THSD7A: variants seen among roughly 807,000 people sequenced by gnomAD.
The protein encoded by THSD7A is thrombospondin type-1 domain-containing protein 7A.
In THSD7A, 96 loss-of-function variants were observed where a neutral mutation model predicts 231.3. That is an observed-to-expected ratio of 0.41 (90% confidence interval 0.35 to 0.49). The LOEUF (loss-of-function observed/expected upper bound fraction) is 0.49, where lower values mean the gene tolerates loss of function less well. THSD7A is among the 20% of genes least tolerant of loss of function. The pLI is 0.05. For missense variants in THSD7A, 2,290 were observed against 2,070.2 expected (o/e 1.11, Z -2.06); for synonymous variants, 940 against 743.3 (o/e 1.26, Z -4.30).
intron 1 of THSD7A, among the ~76,000 whole-genome samples, chr7:11,727,409 T>C (rs954427271): frequency 6.6e-6 from 1 of 151,986 alleles, no homozygotes; most frequent in African/African-American, 2.4e-5. Context: ...CACAAAATGA[T>C]AACACTCATA....
At chr7:11,650,200 A>G (rs1027785865) in intron 1 of THSD7A, among the ~76,000 whole-genome samples, 1 of 152,062 alleles carries the variant, frequency 6.6e-6, no homozygotes, top group African/African-American at 2.4e-5. Context: ...TAAGTTTATA[A>G]TAGCTTGCTG....
chr7:11,787,504 A>T (rs951842853), intron 1 of THSD7A, among the ~76,000 whole-genome samples: 2 of 152,128 alleles, frequency 1.3e-5, no homozygotes, highest in Non-Finnish European at 2.9e-5. Context: ...TTCAAAAGAT[A>T]CAACTGATAA....
intron 1 of THSD7A, among the ~76,000 whole-genome samples, chr7:11,728,731 AG>A (rs1170138883): frequency 6.6e-6 from 1 of 151,902 alleles, no homozygotes; most frequent in Non-Finnish European, 1.5e-5. Context: ...ATATATACCA[AG>A]TAGACTGAGA....
chr7:11,485,437 T>C lies in THSD7A; in HGVS notation c.1823-3455A>G, dbSNP rs778778594. On this transcript the variant is annotated intron_variant, in intron 6 of 27. Transcript: ENST00000423059. The stretch of plus-strand genomic sequence containing the variant: ...TGGCTGAAAACATTTATTCAATGAA[T>C]AGTTGCTGAATGCCCATCTTCTGTC... Among the ~76,000 whole-genome samples, 92 of 152,222 alleles carry C rather than the reference T, an allele frequency of 6.0e-4. 1 individual carries two copies. Among genetic ancestry groups the C allele is most frequent in the Non-Finnish European group, 1.9e-4 (13 of 68,044 alleles).
chr7:11,572,789 G>A (rs928106775), intron 4 of THSD7A, among the ~76,000 whole-genome samples: 5 of 151,872 alleles, frequency 3.3e-5, no homozygotes, highest in East Asian at 1.9e-4. Context: ...TAAAGTCCTC[G>A]TCTGCTGATT....
intron 1 of THSD7A, among the ~76,000 whole-genome samples, chr7:11,656,563 A>G (rs1404155068): frequency 6.6e-6 from 1 of 151,866 alleles, no homozygotes; most frequent in Non-Finnish European, 1.5e-5. Flanking sequence ...GACTCTAGGC[A>G]TTAGTTTAGA....
At chr7:11,778,551 G>A (rs1358659940) in intron 1 of THSD7A, among the ~76,000 whole-genome samples, 1 of 152,100 alleles carries the variant, frequency 6.6e-6, no homozygotes, top group Non-Finnish European at 1.5e-5. Flanking sequence ...CAGAGTCGAG[G>A]AAGAAGAGAA....
At chr7:11,735,675 G>C (rs1045462558) in intron 1 of THSD7A, among the ~76,000 whole-genome samples, 2 of 151,796 alleles carry the variant, frequency 1.3e-5, no homozygotes, top group African/African-American at 4.8e-5. Context: ...TTATGAACTA[G>C]AGCCTCAAAA....
chr7:11,459,732 G>C lies in THSD7A; in HGVS notation c.2605+930C>G, dbSNP rs1169095843. ...ACAGAAGCATTTTTTTCTTAAAAAG[G>C]CAGTTTTTTTTCACTGTACAGAAAA... On this transcript the variant is annotated intron_variant, in intron 11 of 27. Coordinates refer to ENST00000423059, the MANE Select transcript of THSD7A (RefSeq NM_015204.3). Among the ~76,000 whole-genome samples, 10 of 80,020 alleles carry C rather than the reference G, an allele frequency of 1.2e-4. No homozygotes were observed. In the Admixed American group the frequency reaches 1.3e-3, roughly 10 times the overall value. 52.5% of individuals were successfully genotyped at this position (80,020 alleles called of 152,430 possible).
intron 1 of THSD7A, among the ~76,000 whole-genome samples, chr7:11,680,055 A>C (rs1239765706): frequency 6.6e-6 from 1 of 151,532 alleles, no homozygotes; most frequent in Non-Finnish European, 1.5e-5. Flanking sequence ...ATCTACAACC[A>C]TCTGATCTTT....
In THSD7A at chr7:11,814,646, G is replaced by T. The variant is rs1035962448; in HGVS notation, c.190+17111C>A. Among the ~76,000 whole-genome samples, 1 of 152,050 alleles carries T rather than the reference G, an allele frequency of 6.6e-6. No homozygotes were observed. Among genetic ancestry groups the T allele is most frequent in the South Asian group, 2.1e-4 (1 of 4,826 alleles). On this transcript the variant is annotated intron_variant, in intron 1 of 27. Transcript: ENST00000423059. This position sits in a 1 kb window ranked among gnomAD's most constrained non-coding sequence, Gnocchi z 5.1. Reference sequence around the variant, plus strand: ...GCACAGCTGAAGCAGTTCAAAACCAGTTCTCTTATACAATGAGCCAAGAGA... The same window carrying T: ...GCACAGCTGAAGCAGTTCAAAACCATTTCTCTTATACAATGAGCCAAGAGA...
chr7:11,738,902 G>GT (rs1782010148), intron 1 of THSD7A, among the ~76,000 whole-genome samples: 1 of 151,994 alleles, frequency 6.6e-6, no homozygotes, highest in Non-Finnish European at 1.5e-5. Context: ...CTCCAAAGCT[G>GT]TAAGATACCA....
intron 1 of THSD7A, among the ~76,000 whole-genome samples, chr7:11,777,139 T>A (rs1034534714): frequency 1.3e-5 from 2 of 152,164 alleles, no homozygotes; most frequent in East Asian, 1.9e-4. Flanking sequence ...GTATATAAAT[T>A]GCTCAGCTCA....
chr7:11,725,556 T>C (rs1267601368), intron 1 of THSD7A, among the ~76,000 whole-genome samples: 1 of 152,024 alleles, frequency 6.6e-6, no homozygotes, highest in Non-Finnish European at 1.5e-5. Context: ...AATAGGACCA[T>C]ATAAAAACAG....
At chr7:11,806,398 G>A (rs546557557) in intron 1 of THSD7A, among the ~76,000 whole-genome samples, 11 of 152,118 alleles carry the variant, frequency 7.2e-5, no homozygotes, top group Middle Eastern at 3.2e-3. Context: ...GGACTATAGA[G>A]TTCAGCTTCC....
At position 11,375,132 on chromosome 7, in the gene THSD7A, T is replaced by TG. The variant is rs1183829772; in HGVS notation, c.*661_*662insC. 3.3e-5 allele frequency: 5 copies of TG among 152,036 alleles called. No homozygotes were observed. Among genetic ancestry groups the TG allele is most frequent in the Non-Finnish European group, 5.9e-5 (4 of 67,966 alleles). The allele number at this position is 152,036 out of a possible 1,614,324, so 9.4% of individuals were successfully genotyped here. ...ATAAAATACTGAACTTGAGGACTCG[T>TG]TCTTCTAAGACACTAGTACTTGTCC... On this transcript the variant is annotated 3_prime_UTR_variant, in exon 28 of 28. Transcript: ENST00000423059.
intron 1 of THSD7A, among the ~76,000 whole-genome samples, chr7:11,713,913 GTCAA>G (rs1781045806): frequency 6.6e-6 from 1 of 151,168 alleles, no homozygotes; most frequent in African/African-American, 2.4e-5. Flanking sequence ...TAAGCAATAG[GTCAA>G]TCAAAGACAG....
chr7:11,816,000 G>T (rs6948076), intron 1 of THSD7A, among the ~76,000 whole-genome samples: 50,780 of 151,544 alleles, frequency 0.34, 8,877 homozygotes, highest in East Asian at 0.48. Flanking sequence ...TTTCTCCATT[G>T]TGTAAACTGC....
chr7:11,666,193 T>C (rs1012207411), intron 1 of THSD7A, among the ~76,000 whole-genome samples: 1 of 152,076 alleles, frequency 6.6e-6, no homozygotes, highest in Admixed American at 6.6e-5. Context: ...GCCGGAGGTG[T>C]TTTGAACTTC....
Sources: gnomAD v4.1 joint callset for allele counts (sites outside exome capture counted in the v4.1 genomes callset) on GRCh38, gnomAD v4.1.1 for gene constraint, Gnocchi (gnomAD v3.1) non-coding constraint, MANE v1.5 for transcripts, NCBI Gene and HGNC (gene_info 2026-07-23, HGNC 2026-07-21) for gene names.